Variants in REL observed in about 807,000 individuals in gnomAD.
REL encodes the protein proto-oncogene c-Rel.
REL carries 15 observed loss-of-function variants against 45.9 expected under a neutral mutation model. The ratio of observed to expected loss-of-function variants is 0.33; its 90% CI spans 0.22 to 0.50. The LOEUF is 0.50. REL is among the 20% of genes least tolerant of loss of function. The pLI, the probability that REL is intolerant of heterozygous loss-of-function variation, is 0.98. For synonymous variants in REL, 239 were observed against 242.1 expected (o/e 0.99, Z 0.12); for missense variants, 601 against 715.2 (o/e 0.84, Z 1.82).
At position 60,917,680 on chromosome 2, in the gene REL, C is replaced by CTGTGTGTGTG. The variant is rs34038794; in HGVS notation, c.536-485_536-476dup. ...GATTATGAAACTTTCCCCCAAAATA[C>CTGTGTGTGTG]TGTGTGTGTGTGTGTGTGTGTGTGT... On this transcript the variant is annotated intron_variant, in intron 5 of 9. Transcript: ENST00000394479. 1.4e-3 allele frequency among the ~76,000 whole-genome samples: 195 copies of CTGTGTGTGTG among 142,314 alleles called. 1 individual carries two copies. Among genetic ancestry groups the CTGTGTGTGTG allele is most frequent in the African/African-American group, 4.1e-3 (156 of 37,828 alleles). The allele number at this position is 142,314 out of a possible 152,430, so 93.4% of individuals were successfully genotyped here. A position where few individuals can be genotyped will look rare whatever the true frequency, so the allele number is the denominator to read the frequency against.
intron 1 of REL, among the ~76,000 whole-genome samples, chr2:60,887,376 AT>A (rs1381071363): frequency 6.6e-6 from 1 of 152,064 alleles, no homozygotes; most frequent in African/African-American, 2.4e-5. Flanking sequence ...CACTTATATG[AT>A]TATTTAACGT....
Position 60,918,129 on chromosome 2 carries a change from C to A in REL, c.536-62C>A, listed in dbSNP as rs370641710. On this transcript the variant is annotated intron_variant, in intron 5 of 9. Transcript: ENST00000394479. ...ATGCTTTTCCTCAAATTCTTCCCTG[C>A]AAAAAGAAATAAAATATTACTAAGG... 2.5e-4 allele frequency: 247 copies of A among 1,004,792 alleles called. 2 individuals are homozygous for A. The East Asian group carries it at 5.7e-3, about 23-fold the overall frequency. The allele number at this position is 1,004,792 out of a possible 1,614,324, so 62.2% of individuals were successfully genotyped here. A position where few individuals can be genotyped will look rare whatever the true frequency, so the allele number is the denominator to read the frequency against.
rs150652295 is a variant in REL at position 60,921,885 on chromosome 2, A to T, written c.1114A>T (p.Met372Leu). The stretch of plus-strand genomic sequence containing the variant: ...AAGTGGATTGTCACATCATGCCTCA[A>T]TGGCACCTCTGCCTTCTTCAAGCTG... ...ISSGLSHHAS[M>L]APLPSSSWSS... The change falls in exon 10 of 10, where the codon ATG becomes TTG. Residue 372 changes from methionine (M) to leucine (L), a missense_variant. By Grantham distance (15) the Met-to-Leu change is conservative (BLOSUM62 2). Transcript: ENST00000394479. 4 of 1,613,924 alleles carry T rather than the reference A, an allele frequency of 2.5e-6. No individual in the cohort carries two copies. In the African/African-American group the frequency reaches 4.0e-5, roughly 16 times the overall value.
rs542885014 is a variant in REL, at chr2:60,916,792, G to A, written c.395-85G>A. Reference sequence around the variant, plus strand: ...TATTTGGATGCTATTCAAGGTTATTGGCTATAATGGGCAGGGAGGAGGACC... The same window carrying A: ...TATTTGGATGCTATTCAAGGTTATTAGCTATAATGGGCAGGGAGGAGGACC... On this transcript the variant is annotated intron_variant, in intron 4 of 9. Transcript: ENST00000394479. 3 of 809,256 alleles carry A rather than the reference G, an allele frequency of 3.7e-6. No individual in the cohort carries two copies. In the South Asian group the frequency reaches 5.5e-5, roughly 15 times the overall value. 50.1% of individuals were successfully genotyped at this position (809,256 alleles called of 1,614,324 possible).
intron 4 of REL, 51 bp downstream of exon 4, chr2:60,901,134 T>G: frequency 7.0e-7 from 1 of 1,425,510 alleles, no homozygotes; most frequent in East Asian, 2.7e-5. Flanking sequence ...TTGATTTCTG[T>G]TTCTTTTTTC....
At chr2:60,920,342 AG>A in intron 8 of REL, 2 of 616,778 alleles carry the variant, frequency 3.2e-6, no homozygotes, top group Non-Finnish European at 5.8e-6. Flanking sequence ...CTGAGATTAC[AG>A]GCATGTGCCA....
intron 1 of REL, among the ~76,000 whole-genome samples, chr2:60,882,439 C>T (rs528345711): frequency 6.6e-6 from 1 of 152,280 alleles, no homozygotes; most frequent in Non-Finnish European, 1.5e-5. Context: ...CTTTGGGAGG[C>T]CGAGGCGGGT....
chr2:60,921,998 A>G lies in REL; in HGVS notation c.1227A>G (p.Gln409=). ...FSTRTLPSNS[Q]GIPPFLRIPV... is the part of the protein sequence containing the mutation. ...CAAGGACACTTCCTTCTAATTCGCA[A>G]GGTATCCCACCATTCCTGAGAATAC... Residue 409 remains glutamine (Q), a synonymous_variant, in exon 10 of 10, where the codon CAA becomes CAG. Coordinates refer to ENST00000394479, the MANE Select transcript of REL (RefSeq NM_001291746.2). The G allele has an allele frequency of 1.2e-6, 2 of 1,614,234 alleles. No homozygotes were observed. Among genetic ancestry groups the G allele is most frequent in the African/African-American group, 1.3e-5 (1 of 75,064 alleles).
chr2:60,910,874 G>A (rs760258643), intron 4 of REL, among the ~76,000 whole-genome samples: 6 of 152,162 alleles, frequency 3.9e-5, no homozygotes, highest in Non-Finnish European at 7.3e-5. Context: ...AGAGGCTGCA[G>A]TGAGCCAAGA....
chr2:60,911,994 C>CAAAAA (rs763342298), intron 4 of REL, among the ~76,000 whole-genome samples: 4 of 37,304 alleles, frequency 1.1e-4, no homozygotes, highest in Admixed American at 2.6e-4. Context: ...AAGACTGTCT[C>CAAAAA]AAAAAAAAAA....
intron 1 of REL, among the ~76,000 whole-genome samples, chr2:60,890,701 A>G (rs1407736235): frequency 6.6e-6 from 1 of 152,182 alleles, no homozygotes; most frequent in East Asian, 1.9e-4. Context: ...TGTACAACAA[A>G]CTGTACTTTT....
At chr2:60,919,310 C>T (rs553919995) in intron 7 of REL, among the ~76,000 whole-genome samples, 1 of 152,258 alleles carries the variant, frequency 6.6e-6, no homozygotes, top group South Asian at 2.1e-4. Flanking sequence ...TCGTGGCTCA[C>T]CAGAGCCTCA....
Position 60,891,643 on chromosome 2 carries a change from A to G in REL, c.11-40A>G, listed in dbSNP as rs559747875. Reference sequence around the variant, plus strand: ...GTTAAAATCCATTATTAATTGCTATATTAATCTCACTGACCTCCTCCTTTT... The same window carrying G: ...GTTAAAATCCATTATTAATTGCTATGTTAATCTCACTGACCTCCTCCTTTT... On this transcript the variant is annotated intron_variant, in intron 1 of 9. Coordinates refer to ENST00000394479, the MANE Select transcript of REL (RefSeq NM_001291746.2). The G allele has an allele frequency of 1.3e-5, 19 of 1,495,902 alleles. No individual in the cohort carries two copies. In the South Asian group the frequency reaches 2.1e-4, roughly 17 times the overall value. The allele number at this position is 1,495,902 out of a possible 1,614,324, so 92.7% of individuals were successfully genotyped here.
chr2:60,883,801 G>T (rs953572620), intron 1 of REL, among the ~76,000 whole-genome samples: 1 of 149,954 alleles, frequency 6.7e-6, no homozygotes, highest in Non-Finnish European at 1.5e-5. Flanking sequence ...AATGTTTAAA[G>T]AAATGGAAAG....
chr2:60,901,522 C>T (rs1437893419), intron 4 of REL, among the ~76,000 whole-genome samples: 1 of 152,082 alleles, frequency 6.6e-6, no homozygotes, highest in Non-Finnish European at 1.5e-5. Flanking sequence ...TTGACATGTA[C>T]CTGTATCTGA....
In REL at chr2:60,891,680, C is replaced by A; in HGVS notation, c.11-3C>A. 1 of 1,595,904 alleles carries A rather than the reference C, an allele frequency of 6.3e-7. No homozygotes were observed. Among genetic ancestry groups the A allele is most frequent in the South Asian group, 1.1e-5 (1 of 88,432 alleles). ...GACCTCCTCCTTTTTAAAAACTTTT[C>A]AGGTGCGTATAACCCGTATATAGAG... On this transcript the variant is annotated splice_polypyrimidine_tract_variant and splice_region_variant and intron_variant, in intron 1 of 9. Transcript: ENST00000394479.
chr2:60,917,716 A>ATG (rs1558817081), intron 5 of REL, among the ~76,000 whole-genome samples: 15 of 90,986 alleles, frequency 1.6e-4, no homozygotes, highest in East Asian at 2.6e-4. Flanking sequence ...GTGTGTGTGT[A>ATG]CGTGTGTGTG....
At position 60,929,055 on chromosome 2, in the gene REL, A is replaced by C. The variant is rs1190943682; in HGVS notation, c.*6520A>C. On this transcript the variant is annotated 3_prime_UTR_variant, in exon 10 of 10. Transcript: ENST00000394479. ...CAAAAGAAGACATTTATGCAGCCAA[A>C]AAACACATGAAAAAATGCTCATCAT... 1 of 148,896 alleles carries C rather than the reference A, an allele frequency of 6.7e-6. No homozygotes were observed. Among genetic ancestry groups the C allele is most frequent in the East Asian group, 1.9e-4 (1 of 5,170 alleles). 9.2% of individuals were successfully genotyped at this position (148,896 alleles called of 1,614,324 possible). A position where few individuals can be genotyped will look rare whatever the true frequency, so the allele number is the denominator to read the frequency against.
At chr2:60,895,180 A>G (rs542753998) in intron 3 of REL, among the ~76,000 whole-genome samples, 1 of 150,722 alleles carries the variant, frequency 6.6e-6, no homozygotes, top group African/African-American at 2.4e-5. Flanking sequence ...ATTTATAGTT[A>G]ACTTATTATT....
Sources: gnomAD v4.1 joint callset for allele counts (sites outside exome capture counted in the v4.1 genomes callset) on GRCh38, gnomAD v4.1.1 for gene constraint, MANE v1.5 for transcripts, NCBI Gene and HGNC (gene_info 2026-07-23, HGNC 2026-07-21) for gene names.